The following PDE1C variants were observed in gnomAD, a reference collection of about 807,000 sequenced individuals.
PDE1C encodes the protein phosphodiesterase 1C.
A neutral mutation model predicts 93.1 loss-of-function variants in PDE1C; 62 were observed. That is an observed-to-expected ratio of 0.67 (90% CI 0.54 to 0.82). The LOEUF (loss-of-function observed/expected upper bound fraction) is 0.82. PDE1C is among the 40% of genes least tolerant of loss of function. The pLI, the probability that PDE1C is intolerant of heterozygous loss-of-function variation, is 0.00. For synonymous variants in PDE1C, 325 were observed against 310.1 expected, an observed-to-expected ratio of 1.05 and a Z score of -0.50; for missense variants, 742 against 884.6, an observed-to-expected ratio of 0.84 and a Z score of 2.04.
intron 11 of PDE1C, among the ~76,000 whole-genome samples, chr7:31,833,040 G>A (rs1042753862): frequency 6.6e-6 from 1 of 152,138 alleles, no homozygotes; most frequent in African/African-American, 2.4e-5. Context: ...CATGTGTTGT[G>A]GAAGGGAGCC....
intron 13 of PDE1C, 117 bp downstream of exon 13, chr7:31,824,750 G>A (rs1419038076): frequency 7.5e-7 from 1 of 1,328,012 alleles, no homozygotes; most frequent in Admixed American, 2.1e-5. Context: ...AAATTTTTCT[G>A]AGAAGGAGCT....
At chr7:32,008,861 G>A (rs190912563) in intron 2 of PDE1C, among the ~76,000 whole-genome samples, 2 of 151,970 alleles carry the variant, frequency 1.3e-5, no homozygotes, top group African/African-American at 2.4e-5. Context: ...ACAAAAGTTT[G>A]TTTACCTTAC....
rs537483476 is a variant in PDE1C, at chr7:32,062,692, G to A, written c.101+7601C>T. Among the ~76,000 whole-genome samples the A allele has an allele frequency of 5.3e-5, 8 of 152,300 alleles. No individual in the cohort carries two copies. In the East Asian group the frequency reaches 1.5e-3, roughly 29 times the overall value. ...TCACAGCAGGTAGTAATTTATGGAA[G>A]TATTGTTTAATATATTCCTCTACTG... On this transcript the variant is annotated intron_variant, in intron 1 of 17. Coordinates refer to ENST00000396191, the MANE Select transcript of PDE1C (RefSeq NM_001191057.4).
At chr7:32,023,374 ACT>A (rs1301389617) in intron 2 of PDE1C, among the ~76,000 whole-genome samples, 1 of 152,110 alleles carries the variant, frequency 6.6e-6, no homozygotes, top group Non-Finnish European at 1.5e-5. Flanking sequence ...TAGCTGTCAA[ACT>A]CCCTCTACAA....
At chr7:32,324,635 A>G (rs915886057) in intron 1 of PDE1C, among the ~76,000 whole-genome samples, 1 of 152,226 alleles carries the variant, frequency 6.6e-6, no homozygotes, top group Non-Finnish European at 1.5e-5. Context: ...CTTACCACAG[A>G]ACTCCTCAGA....
At chr7:31,974,827 A>C (rs570923487) in intron 2 of PDE1C, among the ~76,000 whole-genome samples, 8 of 152,356 alleles carry the variant, frequency 5.3e-5, no homozygotes, top group African/African-American at 1.4e-4. Context: ...ATGGTTGTAC[A>C]ACTCTGTAAA....
At chr7:31,873,433 A>C in intron 5 of PDE1C, 25 bp from the exon 6 acceptor site, 1 of 1,445,916 alleles carries the variant, frequency 6.9e-7, no homozygotes, top group East Asian at 2.3e-5. Context: ...GGGGAGAAAG[A>C]ACACATTAGC....
At chr7:31,769,415 T>G (rs1795339336) in intron 17 of PDE1C, among the ~76,000 whole-genome samples, 1 of 152,198 alleles carries the variant, frequency 6.6e-6, no homozygotes, top group Admixed American at 6.5e-5. Flanking sequence ...GAATTTGTTT[T>G]TGTTTAGTTA....
At chr7:32,082,028 C>T (rs1053201068) in intron 3 of PDE1C, among the ~76,000 whole-genome samples, 11 of 152,326 alleles carry the variant, frequency 7.2e-5, no homozygotes, top group South Asian at 2.1e-4. Flanking sequence ...GTGGGTGCAG[C>T]GCACCATGCG....
intron 2 of PDE1C, among the ~76,000 whole-genome samples, chr7:32,195,876 G>C (rs1804576339): frequency 2.0e-5 from 3 of 152,146 alleles, no homozygotes; most frequent in Non-Finnish European, 4.4e-5. Context: ...GACACCTGAG[G>C]AAGGATGTAG....
chr7:32,282,495 T>TAGATAGATAGATAGATAGATAGAC (rs1451544249), intron 1 of PDE1C, among the ~76,000 whole-genome samples: 1 of 151,140 alleles, frequency 6.6e-6, no homozygotes, highest in Non-Finnish European at 1.5e-5. Context: ...AATAGATAGA[T>TAGATAGATAGATAGATAGATAGAC]AGATAGATAG....
chr7:31,875,362 T>C (rs541341066), intron 5 of PDE1C, among the ~76,000 whole-genome samples: 6 of 152,260 alleles, frequency 3.9e-5, no homozygotes, highest in African/African-American at 1.4e-4. Flanking sequence ...GTGAGACGGA[T>C]GTCCTCTTTG....
chr7:31,639,736 C>T, the PDE1C span, among the ~76,000 whole-genome samples: 2 of 151,922 alleles, frequency 1.3e-5, no homozygotes, highest in African/African-American at 4.8e-5. Context: ...CGGGGTTTCA[C>T]TGTGTTAGCC....
At chr7:32,407,084 G>A (rs755084193) in intron 1 of PDE1C, among the ~76,000 whole-genome samples, 2 of 152,154 alleles carry the variant, frequency 1.3e-5, no homozygotes, top group African/African-American at 2.4e-5. Context: ...GACCAGCCTG[G>A]CCAACATGGT....
At chr7:32,401,128 A>T (rs889966661) in intron 1 of PDE1C, among the ~76,000 whole-genome samples, 2 of 152,258 alleles carry the variant, frequency 1.3e-5, no homozygotes, top group African/African-American at 4.8e-5. Context: ...CTGAACAAGT[A>T]AAAATATTTT....
chr7:32,255,991 G>C (rs1809769010), intron 1 of PDE1C, among the ~76,000 whole-genome samples: 1 of 152,186 alleles, frequency 6.6e-6, no homozygotes, highest in Non-Finnish European at 1.5e-5. Context: ...GTGTGCAGGG[G>C]GAGCAGAGTA....
intron 7 of PDE1C, among the ~76,000 whole-genome samples, chr7:31,860,177 T>C (rs1159290901): frequency 1.3e-5 from 2 of 152,200 alleles, no homozygotes; most frequent in Non-Finnish European, 2.9e-5. Flanking sequence ...TCTCAATCAG[T>C]GGTTCTCAAC....
chr7:32,114,024 G>T (rs1798836226), intron 3 of PDE1C, among the ~76,000 whole-genome samples: 1 of 152,132 alleles, frequency 6.6e-6, no homozygotes, highest in Non-Finnish European at 1.5e-5. Context: ...TGGATAGGAA[G>T]AATAAATATC....
chr7:32,080,283 C>T (rs933992975), intron 3 of PDE1C, among the ~76,000 whole-genome samples: 1 of 152,120 alleles, frequency 6.6e-6, no homozygotes, highest in Admixed American at 6.5e-5. Context: ...ACCACTGTCC[C>T]CTGTCCCCCT....
Sources: allele counts gnomAD v4.1 joint callset (sites outside exome capture counted in the v4.1 genomes callset), GRCh38; gene constraint gnomAD v4.1.1; transcripts MANE v1.5; gene names NCBI Gene and HGNC (gene_info 2026-07-23, HGNC 2026-07-21).